Variants in HELZ observed in about 807,000 individuals in gnomAD.
The protein encoded by HELZ is helicase with zinc finger.
Under a neutral mutation model 218.2 loss-of-function variants are expected in HELZ, and 23 were observed. The ratio of observed to expected loss-of-function variants is 0.11; its 90% CI spans 0.08 to 0.15. The LOEUF is 0.15. Among genes scored for constraint, HELZ ranks in the 10% least tolerant of loss-of-function variants. The pLI is 1.00. For synonymous variants in HELZ, 814 were observed against 829.4 expected (o/e 0.98, Z 0.32); for missense variants, 1,813 against 2,353.7 (o/e 0.77, Z 4.75).
intron 7 of HELZ, among the ~76,000 whole-genome samples, chr17:67,196,269 C>A (rs1254413388): frequency 2.0e-5 from 3 of 152,152 alleles, no homozygotes; most frequent in African/African-American, 7.2e-5. Context: ...GAGTCCAAGG[C>A]TAGGGATCCA....
chr17:67,175,589 C>CT (rs2039433434), intron 13 of HELZ, among the ~76,000 whole-genome samples: 1 of 152,174 alleles, frequency 6.6e-6, no homozygotes, highest in South Asian at 2.1e-4. Flanking sequence ...TCTGAGAACT[C>CT]TATCTAATTA....
At chr17:67,106,526 C>T (rs189128501) in intron 31 of HELZ, among the ~76,000 whole-genome samples, 1 of 152,230 alleles carries the variant, frequency 6.6e-6, no homozygotes, top group Non-Finnish European at 1.5e-5. Context: ...CCAGGATGGT[C>T]TCGATCTCCT....
chr17:67,118,808 ACAAT>A (rs1262490032), intron 27 of HELZ, among the ~76,000 whole-genome samples: 1 of 152,046 alleles, frequency 6.6e-6, no homozygotes, highest in African/African-American at 2.4e-5. Flanking sequence ...ATAACTGAAG[ACAAT>A]CAACCCAATA....
intron 13 of HELZ, among the ~76,000 whole-genome samples, chr17:67,174,840 CAAAGTTCACAGAGGACTCAT>C (rs1358543567): frequency 6.6e-6 from 1 of 152,082 alleles, no homozygotes; most frequent in Non-Finnish European, 1.5e-5. Flanking sequence ...CTTAAACTGT[CAAAGTTCACAGAGGACTCAT>C]ACATTCTCGG....
chr17:67,102,506 G>A (rs2036960435), intron 31 of HELZ, among the ~76,000 whole-genome samples: 1 of 152,100 alleles, frequency 6.6e-6, no homozygotes. Flanking sequence ...CTAACATCCA[G>A]ATATCATCCC....
At chr17:67,094,435 G>C (rs1366219358) in intron 31 of HELZ, among the ~76,000 whole-genome samples, 2 of 151,324 alleles carry the variant, frequency 1.3e-5, no homozygotes, top group Non-Finnish European at 2.9e-5. Flanking sequence ...AGATATTGCA[G>C]GTTTGGTGAG....
chr17:67,203,291 C>T, intron 6 of HELZ, 28 bp downstream of exon 6: 1 of 1,605,934 alleles, frequency 6.2e-7, no homozygotes, highest in South Asian at 1.1e-5. Flanking sequence ...TGTTTTCAGG[C>T]ATACAAAATT....
Position 67,074,212 on chromosome 17 carries a change from A to C in HELZ, c.*4040T>G, listed in dbSNP as rs2035961945. On this transcript the variant is annotated 3_prime_UTR_variant, in exon 33 of 33. Coordinates refer to ENST00000358691, the MANE Select transcript of HELZ (RefSeq NM_014877.4). The stretch of plus-strand genomic sequence containing the variant: ...GTGAGCAAGAAATAATGTACGGTAA[A>C]TCATAAAAGACAAATTACTACCATT... 6.6e-6 allele frequency: 1 copy of C among 151,028 alleles called. No homozygotes were observed. The highest frequency in any genetic ancestry group is 1.5e-5 in the Non-Finnish European group (1 of 67,878). 9.4% of individuals were successfully genotyped at this position (151,028 alleles called of 1,614,324 possible). A position where few individuals can be genotyped will look rare whatever the true frequency, so the allele number is the denominator to read the frequency against.
chr17:67,122,475 G>A (rs1359211405), intron 26 of HELZ, among the ~76,000 whole-genome samples: 1 of 152,150 alleles, frequency 6.6e-6, no homozygotes, highest in Non-Finnish European at 1.5e-5. Context: ...GAACCTGGGA[G>A]GCGGAGCTTG....
At chr17:67,136,379 A>G (rs1356255549) in intron 22 of HELZ, among the ~76,000 whole-genome samples, 181 bp from the exon 23 acceptor site, 2 of 152,202 alleles carry the variant, frequency 1.3e-5, no homozygotes, top group Admixed American at 6.5e-5. Flanking sequence ...GCTGTGGAAA[A>G]CAGTGTGGCA....
chr17:67,244,241 T>C (rs1169615180), intron 1 of HELZ, among the ~76,000 whole-genome samples: 1 of 151,696 alleles, frequency 6.6e-6, no homozygotes, highest in Non-Finnish European at 1.5e-5. Context: ...GTCTCTGAAG[T>C]TACACTTTTT....
At chr17:67,089,647 T>TTATATA (rs371659847) in intron 31 of HELZ, among the ~76,000 whole-genome samples, 760 of 53,388 alleles carry the variant, frequency 0.014, 4 homozygotes, top group East Asian at 0.032. Context: ...ATTGGAGATT[T>TTATATA]TATATATATA....
chr17:67,142,385 T>C (rs2038353937), intron 21 of HELZ, among the ~76,000 whole-genome samples: 1 of 152,030 alleles, frequency 6.6e-6, no homozygotes, highest in African/African-American at 2.4e-5. Context: ...CATGCATCTG[T>C]AGTCCCAGCT....
intron 12 of HELZ, among the ~76,000 whole-genome samples, chr17:67,181,238 C>A (rs1209405579): frequency 2.6e-5 from 4 of 152,130 alleles, no homozygotes; most frequent in Non-Finnish European, 2.9e-5. Flanking sequence ...TGTTCATATA[C>A]TTTAAAAAGT....
In HELZ at chr17:67,239,504, AG is replaced by A. The variant is rs1167326775; in HGVS notation, c.-75-16del. 2.0e-5 allele frequency: 3 copies of A among 152,262 alleles called. No individual in the cohort carries two copies. The highest frequency in any genetic ancestry group is 7.2e-5 in the African/African-American group (3 of 41,474). The allele number at this position is 152,262 out of a possible 1,614,324, so 9.4% of individuals were successfully genotyped here. On this transcript the variant is annotated splice_polypyrimidine_tract_variant and intron_variant, in intron 2 of 32. Transcript: ENST00000358691. ...CTTTATAATTTCTGAAAGACAAAGA[AG>A]AAAGTTTTTTTAATACATAGTAGAA...
At chr17:67,094,405 GAGA>G (rs2036676544) in intron 31 of HELZ, among the ~76,000 whole-genome samples, 2 of 142,916 alleles carry the variant, frequency 1.4e-5, no homozygotes, top group African/African-American at 5.5e-5. Context: ...GAGAGAGAGA[GAGA>G]TACAGACATA....
chr17:67,230,114 T>C lies in HELZ; in HGVS notation c.-19+9319A>G, dbSNP rs544897517. Among the ~76,000 whole-genome samples the C allele has an allele frequency of 2.6e-5, 4 of 152,264 alleles. No individual in the cohort carries two copies. The South Asian group carries it at 8.3e-4, about 32-fold the overall frequency. On this transcript the variant is annotated intron_variant, in intron 3 of 32. Coordinates refer to ENST00000358691, the MANE Select transcript of HELZ (RefSeq NM_014877.4). ...CTAAAAATTATATCAACAGCTAAAA[T>C]TGAGATTTTTTTTCCATCTATTACT...
chr17:67,179,032 A>G (rs1567867716), intron 12 of HELZ, 106 bp from the exon 13 acceptor site: 1 of 691,536 alleles, frequency 1.4e-6, no homozygotes, highest in Non-Finnish European at 2.3e-6. Context: ...AGAATTGTAT[A>G]TGCTAGAGCT....
At chr17:67,129,251 C>T (rs1278394725) in intron 23 of HELZ, among the ~76,000 whole-genome samples, 2 of 151,774 alleles carry the variant, frequency 1.3e-5, no homozygotes, top group Admixed American at 1.3e-4. Context: ...CATATATATA[C>T]TATGTATATA....
Sources: allele counts gnomAD v4.1 joint callset (sites outside exome capture counted in the v4.1 genomes callset), GRCh38; gene constraint gnomAD v4.1.1; transcripts MANE v1.5; gene names NCBI Gene and HGNC (gene_info 2026-07-23, HGNC 2026-07-21).